Variants in THRB observed in about 807,000 individuals in gnomAD.
THRB encodes nuclear receptor subfamily 1 group A member 2.
Under a neutral mutation model 47.8 loss-of-function variants are expected in THRB, and 12 were observed. The ratio of observed to expected loss-of-function variants is 0.25; its 90% confidence interval spans 0.16 to 0.41. The LOEUF is 0.41. THRB is among the 10% of genes least tolerant of loss of function. The pLI is 1.00. For synonymous variants in THRB, 218 were observed against 212.2 expected, an observed-to-expected ratio of 1.03 and a Z score of -0.24; for missense variants, 348 against 589.2, an observed-to-expected ratio of 0.59 and a Z score of 4.24.
At chr3:24,126,948 C>T (rs775393387) in intron 10 of THRB, among the ~76,000 whole-genome samples, 12 of 152,274 alleles carry the variant, frequency 7.9e-5, no homozygotes, top group South Asian at 4.2e-4. Context: ...TCTACCCTGC[C>T]GGAGGAAAGG....
chr3:24,192,028 A>T (rs958727706), intron 4 of THRB, among the ~76,000 whole-genome samples: 7 of 152,306 alleles, frequency 4.6e-5, no homozygotes, highest in African/African-American at 1.4e-4. Context: ...GGCACATTAT[A>T]TAAACATAGA....
chr3:24,465,867 T>C (rs766343813), intron 1 of THRB, among the ~76,000 whole-genome samples: 3 of 152,178 alleles, frequency 2.0e-5, no homozygotes, highest in Non-Finnish European at 2.9e-5. Context: ...ATTAAATTTA[T>C]ACTTTCACGT....
chr3:24,261,074 G>A (rs1252598032), intron 3 of THRB, among the ~76,000 whole-genome samples: 2 of 108,832 alleles, frequency 1.8e-5, no homozygotes. Flanking sequence ...CTCTTCTTGG[G>A]AATGCGACCC....
intron 2 of THRB, among the ~76,000 whole-genome samples, chr3:24,314,011 T>G (rs2149230435): frequency 6.6e-6 from 1 of 152,386 alleles, no homozygotes; most frequent in African/African-American, 2.4e-5. Context: ...CTTGTTCTTC[T>G]TTTCGATTCA....
intron 10 of THRB, among the ~76,000 whole-genome samples, chr3:24,125,890 T>G (rs1226000538): frequency 1.3e-5 from 2 of 152,122 alleles, no homozygotes; most frequent in Non-Finnish European, 2.9e-5. Flanking sequence ...GACAGGAGAT[T>G]ATCCAAGGTG....
chr3:24,467,258 C>T (rs1298142097), intron 1 of THRB, among the ~76,000 whole-genome samples: 2 of 152,242 alleles, frequency 1.3e-5, no homozygotes, highest in African/African-American at 4.8e-5. Context: ...TTCTGGTTCT[C>T]TTGCTACTTC....
At chr3:24,364,023 G>A (rs2064266201) in intron 1 of THRB, among the ~76,000 whole-genome samples, 1 of 152,098 alleles carries the variant, frequency 6.6e-6, no homozygotes, top group Non-Finnish European at 1.5e-5. Flanking sequence ...TATCCAAAAT[G>A]ACTGTCTTGA....
intron 3 of THRB, among the ~76,000 whole-genome samples, chr3:24,295,130 T>C (rs1437531779): frequency 6.6e-6 from 1 of 152,200 alleles, no homozygotes; most frequent in Non-Finnish European, 1.5e-5. Context: ...TTTAAATATA[T>C]AACGGGGGCT....
At chr3:24,157,524 AT>A (rs1024243447) in intron 5 of THRB, among the ~76,000 whole-genome samples, 27 of 151,770 alleles carry the variant, frequency 1.8e-4, no homozygotes, top group Admixed American at 1.2e-3. Context: ...TTAAATTACA[AT>A]TTTTTTTAAC....
intron 1 of THRB, among the ~76,000 whole-genome samples, chr3:24,433,278 G>A (rs147283960): frequency 1.3e-5 from 2 of 152,212 alleles, no homozygotes; most frequent in Non-Finnish European, 2.9e-5. Context: ...TGTAGTTAAG[G>A]ATTTTCTGAT....
At chr3:24,444,193 A>G (rs1400263476) in intron 1 of THRB, among the ~76,000 whole-genome samples, 2 of 152,206 alleles carry the variant, frequency 1.3e-5, no homozygotes, top group Admixed American at 6.5e-5. Context: ...GGCTAATGTT[A>G]TAGGACATAA....
chr3:24,374,889 T>C (rs1012409552), intron 1 of THRB, among the ~76,000 whole-genome samples: 39 of 152,088 alleles, frequency 2.6e-4, no homozygotes, highest in African/African-American at 8.9e-4. Context: ...TGGAAAATAT[T>C]CCTCTCTATT....
chr3:24,165,501 C>T, intron 5 of THRB: 1 of 587,846 alleles, frequency 1.7e-6, no homozygotes, highest in Non-Finnish European at 3.0e-6. Flanking sequence ...GAATAAACAC[C>T]ACCACCAACA....
chr3:24,206,691 CA>C (rs1190477255), intron 4 of THRB, among the ~76,000 whole-genome samples: 4 of 152,048 alleles, frequency 2.6e-5, no homozygotes, highest in African/African-American at 9.7e-5. Flanking sequence ...AAAAACCCTT[CA>C]AAAAATCAAT....
intron 4 of THRB, among the ~76,000 whole-genome samples, chr3:24,199,960 G>A (rs868245912): frequency 6.6e-6 from 1 of 152,118 alleles, no homozygotes; most frequent in Non-Finnish European, 1.5e-5. Context: ...AATACTTTCC[G>A]GAGGACACAA....
intron 5 of THRB, among the ~76,000 whole-genome samples, chr3:24,152,735 T>C (rs2037170227): frequency 6.6e-6 from 1 of 151,834 alleles, no homozygotes; most frequent in Admixed American, 6.6e-5. Flanking sequence ...CCCAGGCAGG[T>C]GGATCACCTG....
rs2031842573 is a variant in THRB, at chr3:24,122,356, T to C, written c.*528A>G. On this transcript the variant is annotated 3_prime_UTR_variant, in exon 11 of 11. Transcript: ENST00000646209. Reference sequence around the variant, plus strand: ...TATTCCTGTACATTCCAAGTTATGCTCCTAGGAGACCATAAAGAGTGCTGC... The same window carrying C: ...TATTCCTGTACATTCCAAGTTATGCCCCTAGGAGACCATAAAGAGTGCTGC... The C allele has an allele frequency of 5.7e-6, 1 of 176,572 alleles. No individual in the cohort carries two copies. The highest frequency in any genetic ancestry group is 1.2e-5 in the Non-Finnish European group (1 of 81,168). 10.9% of individuals were successfully genotyped at this position (176,572 alleles called of 1,614,324 possible).
chr3:24,482,114 C>T (rs1394051316), intron 1 of THRB, among the ~76,000 whole-genome samples: 2 of 152,210 alleles, frequency 1.3e-5, no homozygotes, highest in Non-Finnish European at 2.9e-5. Flanking sequence ...TTCTGGGTCT[C>T]TCTCTTTGAT....
chr3:24,255,920 A>G (rs1326305833), intron 3 of THRB, among the ~76,000 whole-genome samples: 1 of 152,234 alleles, frequency 6.6e-6, no homozygotes, highest in Non-Finnish European at 1.5e-5. Flanking sequence ...GGTGAGGGGA[A>G]GCCTTCATTG....
Sources: allele counts gnomAD v4.1 joint callset (sites outside exome capture counted in the v4.1 genomes callset), GRCh38; gene constraint gnomAD v4.1.1; transcripts MANE v1.5; gene names NCBI Gene and HGNC (gene_info 2026-07-23, HGNC 2026-07-21).